Variants in DGLUCY observed in about 807,000 individuals in gnomAD.
DGLUCY encodes D-glutamate cyclase, also known as D-glutamate cyclase, mitochondrial.
Under a neutral mutation model 58.5 loss-of-function variants are expected in DGLUCY, and 58 were observed. The ratio of observed to expected loss-of-function variants is 0.99; its 90% confidence interval spans 0.80 to 1.23. DGLUCY has a LOEUF of 1.23. Among genes scored for constraint, DGLUCY ranks in the 50% most tolerant of loss-of-function variants. The pLI, the probability that DGLUCY is intolerant of heterozygous loss-of-function variation, is 0.00. For missense variants in DGLUCY, 779 were observed against 784.7 expected (o/e 0.99, Z 0.09); for synonymous variants, 325 against 314.1 (o/e 1.03, Z -0.37).
intron 1 of DGLUCY, among the ~76,000 whole-genome samples, chr14:91,061,700 G>T (rs1595593965): frequency 6.6e-6 from 1 of 152,328 alleles, no homozygotes; most frequent in East Asian, 1.9e-4. Flanking sequence ...GAAGGCAAGG[G>T]TGGGTTAAGT....
At chr14:91,084,090 T>C (rs1489175512) in intron 1 of DGLUCY, among the ~76,000 whole-genome samples, 2 of 152,138 alleles carry the variant, frequency 1.3e-5, no homozygotes, top group Non-Finnish European at 2.9e-5. Context: ...GGGCTGGCAA[T>C]ACATGTTGTT....
intron 1 of DGLUCY, among the ~76,000 whole-genome samples, chr14:91,098,697 C>G (rs908539821): frequency 1.3e-5 from 2 of 152,002 alleles, no homozygotes; most frequent in Admixed American, 6.6e-5. Context: ...TGTCCTCTTG[C>G]CAAAAAGATG....
intron 3 of DGLUCY, among the ~76,000 whole-genome samples, chr14:91,166,969 C>G (rs778833565): frequency 2.6e-5 from 4 of 151,950 alleles, no homozygotes; most frequent in Non-Finnish European, 5.9e-5. Flanking sequence ...TATTTTTAGT[C>G]TCTACTAAAA....
chr14:91,158,005 C>T (rs925342083), intron 2 of DGLUCY, among the ~76,000 whole-genome samples: 1 of 152,140 alleles, frequency 6.6e-6, no homozygotes, highest in African/African-American at 2.4e-5. Flanking sequence ...TGGCCCATTC[C>T]AGTGGGTTTG....
At chr14:91,135,098 A>AT (rs2046251442) in intron 1 of DGLUCY, among the ~76,000 whole-genome samples, 1 of 151,628 alleles carries the variant, frequency 6.6e-6, no homozygotes, top group African/African-American at 2.4e-5. Context: ...TAATTTTTTA[A>AT]TTTTTTGTAG....
rs546491574 is a variant in DGLUCY at position 91,224,768 on chromosome 14, C to T, written c.1801C>T (p.Pro601Ser). 6.2e-7 allele frequency: 1 copy of T among 1,613,560 alleles called. No individual in the cohort carries two copies. Among genetic ancestry groups the T allele is most frequent in the South Asian group, 1.1e-5 (1 of 91,030 alleles). Residue 601 changes from proline (P) to serine (S), a missense_variant, in exon 14 of 14, where the codon CCC (proline) becomes TCC (serine). Pro to Ser is a moderately conservative substitution (Grantham distance 74). Transcript: ENST00000256324. ...GIVGMEVDGL[P>S]FHNTHAEMIQ... ...CGTGGGCATGGAGGTGGATGGGCTG[C>T]CCTTCCACAACACCCACGCCGAGAT...
intron 1 of DGLUCY, among the ~76,000 whole-genome samples, chr14:91,091,355 T>C (rs567215225): frequency 1.1e-4 from 17 of 151,984 alleles, no homozygotes; most frequent in African/African-American, 3.6e-4. Context: ...ACCCCGTCTT[T>C]ACTAAAAACT....
At chr14:91,217,518 CTT>C (rs1886755780) in intron 13 of DGLUCY, among the ~76,000 whole-genome samples, 1 of 139,164 alleles carries the variant, frequency 7.2e-6, no homozygotes, top group Admixed American at 8.2e-5. Context: ...GAGTTTTGCT[CTT>C]GTCACCCAGG....
At chr14:91,062,564 T>TATATAC in intron 1 of DGLUCY, among the ~76,000 whole-genome samples, 1 of 15,400 alleles carries the variant, frequency 6.5e-5, no homozygotes, top group Non-Finnish European at 1.1e-4. Context: ...AAAAAATATA[T>TATATAC]ATATATATAT....
chr14:91,063,308 C>A (rs1157815514), intron 1 of DGLUCY, among the ~76,000 whole-genome samples: 1 of 149,318 alleles, frequency 6.7e-6, no homozygotes, highest in Non-Finnish European at 1.5e-5. Context: ...TGACTATGAT[C>A]TGGCCAATGG....
intron 1 of DGLUCY, among the ~76,000 whole-genome samples, chr14:91,083,614 G>A (rs77352543): frequency 0.023 from 3,554 of 152,084 alleles, 70 homozygotes; most frequent in African/African-American, 0.064. Flanking sequence ...AGCAAGAGAA[G>A]CAGCAGCAAG....
At chr14:91,080,916 T>C (rs1011590217) in intron 1 of DGLUCY, among the ~76,000 whole-genome samples, 44 of 152,206 alleles carry the variant, frequency 2.9e-4, no homozygotes, top group Middle Eastern at 3.4e-3. Context: ...TTCAAAAGCA[T>C]GTATTGGCCG....
chr14:91,103,558 T>C (rs772503370), upstream of DGLUCY, among the ~76,000 whole-genome samples: 1 of 152,146 alleles, frequency 6.6e-6, no homozygotes, highest in Non-Finnish European at 1.5e-5. Context: ...TTCCTTCTCT[T>C]ATACCAGAGC....
At chr14:91,179,623 C>T (rs534194440) in intron 7 of DGLUCY, among the ~76,000 whole-genome samples, 10 of 151,442 alleles carry the variant, frequency 6.6e-5, no homozygotes, top group East Asian at 4.0e-4. Context: ...TAGTGGTGCA[C>T]GCCTATAATC....
In DGLUCY at chr14:91,204,730, T is replaced by C. The variant is rs1884241527; in HGVS notation, c.1469T>C (p.Leu490Pro). ...GGAGTCGGTGATGGAGGCAACGAGC[T>C]TGGGATGGGTAAAGTCAAGGAGGCT... ...STGVGDGGNELGMGKVKEAVR... is the reference protein window; with the variant it reads ...STGVGDGGNEPGMGKVKEAVR... The change falls in exon 12 of 14, where the codon CTT (leucine) becomes CCT (proline). Residue 490 changes from leucine (L) to proline (P), a missense_variant. Coordinates refer to ENST00000256324, the MANE Select transcript of DGLUCY (RefSeq NM_001102368.3). 1 of 1,613,904 alleles carries C rather than the reference T, an allele frequency of 6.2e-7. No individual in the cohort carries two copies. Among genetic ancestry groups the C allele is most frequent in the African/African-American group, 1.3e-5 (1 of 74,902 alleles).
intron 1 of DGLUCY, among the ~76,000 whole-genome samples, chr14:91,131,467 G>A (rs1405329046): frequency 1.3e-5 from 2 of 151,178 alleles, no homozygotes; most frequent in Non-Finnish European, 1.5e-5. Context: ...TAAGCCTAAC[G>A]TCTTTTTTTT....
intron 8 of DGLUCY, among the ~76,000 whole-genome samples, chr14:91,183,229 C>G (rs2049293888): frequency 6.6e-6 from 1 of 152,106 alleles, no homozygotes; most frequent in Admixed American, 6.6e-5. Flanking sequence ...CTCCTGAGCT[C>G]AAGTGGTCTG....
intron 1 of DGLUCY, among the ~76,000 whole-genome samples, chr14:91,062,572 T>A (rs1487648080): frequency 0.018 from 124 of 7,058 alleles, 5 homozygotes; most frequent in African/African-American, 0.038. Context: ...TATATATATA[T>A]ATATATATAT....
chr14:91,074,267 C>A (rs181616769), intron 1 of DGLUCY, among the ~76,000 whole-genome samples: 1 of 142,000 alleles, frequency 7.0e-6, no homozygotes, highest in African/African-American at 2.6e-5. Context: ...TGCACTCCAG[C>A]CTGGGCAACT....
Sources: allele counts gnomAD v4.1 joint callset (sites outside exome capture counted in the v4.1 genomes callset), GRCh38; gene constraint gnomAD v4.1.1; transcripts MANE v1.5; gene names NCBI Gene and HGNC (gene_info 2026-07-23, HGNC 2026-07-21).